The following MICAL1 variants were observed in gnomAD, a reference collection of about 807,000 sequenced individuals.
MICAL1 encodes the protein microtubule associated monooxygenase, calponin and LIM domain containing 1.
Under a neutral mutation model 131.8 loss-of-function variants are expected in MICAL1, and 95 were observed. The observed-to-expected ratio is 0.72, with a 90% CI of 0.61 to 0.86. MICAL1 has a LOEUF of 0.86. Among genes scored for constraint, MICAL1 ranks in the 40% least tolerant of loss-of-function variants. MICAL1 has a pLI of 0.00. For missense variants in MICAL1, 1,292 were observed against 1,380.6 expected, an observed-to-expected ratio of 0.94 and a Z score of 1.02; for synonymous variants, 546 against 554.2, an observed-to-expected ratio of 0.99 and a Z score of 0.21.
Position 109,448,849 on chromosome 6 carries a change from C to G in MICAL1, c.1547G>C (p.Arg516Pro). Residue 516 changes from arginine (R) to proline (P), a missense_variant, in exon 12 of 25, where the codon CGC becomes CCC. Coordinates refer to ENST00000358807, the MANE Select transcript of MICAL1 (RefSeq NM_022765.4). ...GSAGTQEELLRWCQEQTAGYP... is the reference protein window; with the variant it reads ...GSAGTQEELLPWCQEQTAGYP... Reference sequence around the variant, plus strand: ...CCCAGCTGTCTGCTCCTGGCACCAGCGTAGCAGCTCCTCCTGGGTGCCTGC... The same window carrying G: ...CCCAGCTGTCTGCTCCTGGCACCAGGGTAGCAGCTCCTCCTGGGTGCCTGC... The G allele has an allele frequency of 6.2e-7, 1 of 1,613,908 alleles. No homozygotes were observed. The highest frequency in any genetic ancestry group is 8.5e-7 in the Non-Finnish European group (1 of 1,179,984).
rs774018920 is a variant in MICAL1 at position 109,446,321 on chromosome 6, C to T, written c.2396G>A (p.Ser799Asn). 1.2e-6 allele frequency: 2 copies of T among 1,613,424 alleles called. No individual in the cohort carries two copies. Among genetic ancestry groups the T allele is most frequent in the African/African-American group, 2.7e-5 (2 of 75,014 alleles). Residue 799 changes from serine (S) to asparagine (N), a missense_variant, in exon 19 of 25, where the codon AGC becomes AAC. Transcript: ENST00000358807. The stretch of plus-strand genomic sequence containing the variant: ...GCGGATCTGCCGACGGGTGGGCTGG[C>T]TGGGATCTGGAACAGGACCGGCCCC... The part of the protein sequence containing the change: ...QEGAGPVPDP[S>N]QPTRRQIRLS...
chr6:109,451,550 G>A (rs758197265), intron 7 of MICAL1, 50 bp downstream of exon 7: 1 of 1,607,330 alleles, frequency 6.2e-7, no homozygotes, highest in East Asian at 2.2e-5. Flanking sequence ...CCTAGCCTCT[G>A]CCTCCCGGGG....
intron 1 of MICAL1, chr6:109,464,145 C>G (rs1775976610): frequency 6.6e-6 from 1 of 152,106 alleles, no homozygotes; most frequent in Non-Finnish European, 1.5e-5. Flanking sequence ...TAGGGCTTAA[C>G]AGTGTTTGTA....
chr6:109,450,477 A>T lies in MICAL1; in HGVS notation c.1014T>A (p.Ala338=), dbSNP rs1306642659. 2.5e-6 allele frequency: 4 copies of T among 1,612,770 alleles called. No individual in the cohort carries two copies. In the African/African-American group the frequency reaches 5.3e-5, roughly 22 times the overall value. Residue 338 remains alanine, a synonymous_variant, in exon 8 of 25, where the codon GCT becomes GCA. Coordinates refer to ENST00000358807, the MANE Select transcript of MICAL1 (RefSeq NM_022765.4). The stretch of plus-strand genomic sequence containing the variant: ...CGAGCTTGCCATGGGTGGCAAAGTC[A>T]GCAGCTGCCCGGGTAAAGCGCTGCA... ...EALQRFTRAA[A]DFATHGKLGK... is the part of the protein sequence containing the mutation.
chr6:109,462,736 C>T (rs545588024), intron 1 of MICAL1: 5 of 152,172 alleles, frequency 3.3e-5, no homozygotes, highest in African/African-American at 4.8e-5. Flanking sequence ...GTAAGAGCTC[C>T]AATCATCCCA....
chr6:109,462,303 T>G (rs974497919), intron 1 of MICAL1, among the ~76,000 whole-genome samples: 1 of 152,184 alleles, frequency 6.6e-6, no homozygotes, highest in Non-Finnish European at 1.5e-5. Flanking sequence ...ATTTTTTCAG[T>G]CACCCAGTCT....
chr6:109,446,681 G>C lies in MICAL1; in HGVS notation c.2304+15C>G. 6.2e-7 allele frequency: 1 copy of C among 1,611,534 alleles called. No homozygotes were observed. On this transcript the variant is annotated intron_variant, in intron 18 of 24. Coordinates refer to ENST00000358807, the MANE Select transcript of MICAL1 (RefSeq NM_022765.4). The stretch of plus-strand genomic sequence containing the variant: ...TTCCCATGCCCCAATATACATACAC[G>C]CCTTCAGTCTTTACCGGACTCTCAG...
upstream of MICAL1, among the ~76,000 whole-genome samples, chr6:109,459,750 G>A (rs1775841434): frequency 6.6e-6 from 1 of 152,160 alleles, no homozygotes; most frequent in African/African-American, 2.4e-5. Flanking sequence ...TAATAAGACT[G>A]CCTTTGCCCT....
At chr6:109,456,293 G>C (rs979243519), upstream of MICAL1, among the ~76,000 whole-genome samples, 3 of 152,214 alleles carry the variant, frequency 2.0e-5, no homozygotes, top group Non-Finnish European at 4.4e-5. Flanking sequence ...AAGCCGGCGG[G>C]TCCGAGGGTG....
chr6:109,459,202 C>T (rs999533519), upstream of MICAL1, among the ~76,000 whole-genome samples: 1 of 152,166 alleles, frequency 6.6e-6, no homozygotes. Flanking sequence ...AGCAGAGACA[C>T]GGTCATATTT....
chr6:109,447,094 A>T lies in MICAL1; in HGVS notation c.2206T>A (p.Tyr736Asn). ...TCEATLWPGGYEQHPGDGHFY... is the reference protein window; with the variant it reads ...TCEATLWPGGNEQHPGDGHFY... ...TCACCATCTCCTGGGTGCTGCTCGTAGCCACCTGGCCACAGTGTGGCCTCA... is the reference window on the plus strand; with the variant it reads ...TCACCATCTCCTGGGTGCTGCTCGTTGCCACCTGGCCACAGTGTGGCCTCA... Residue 736 changes from tyrosine (Y) to asparagine (N), a missense_variant, in exon 17 of 25, where the codon TAC (tyrosine) becomes AAC (asparagine). By Grantham distance (143) the Tyr-to-Asn change is moderately radical. Transcript: ENST00000358807. 6.2e-7 allele frequency: 1 copy of T among 1,614,084 alleles called. No individual in the cohort carries two copies. Among genetic ancestry groups the T allele is most frequent in the Non-Finnish European group, 8.5e-7 (1 of 1,179,998 alleles).
chr6:109,448,950 T>C lies in MICAL1; in HGVS notation c.1517-71A>G, dbSNP rs900278606. On this transcript the variant is annotated intron_variant, in intron 11 of 24. Coordinates refer to ENST00000358807, the MANE Select transcript of MICAL1 (RefSeq NM_022765.4). The stretch of plus-strand genomic sequence containing the variant: ...CCAGGCATATAGGGAGCCCAGCTGC[T>C]GCATGTGGGGGTTCTGTAGGGGAGG... 19 of 1,582,156 alleles carry C rather than the reference T, an allele frequency of 1.2e-5. No individual in the cohort carries two copies. In the African/African-American group the frequency reaches 2.6e-4, roughly 21 times the overall value.
chr6:109,459,460 G>T (rs1477097907), upstream of MICAL1, among the ~76,000 whole-genome samples: 1 of 152,208 alleles, frequency 6.6e-6, no homozygotes, highest in Non-Finnish European at 1.5e-5. Flanking sequence ...GCCATGAATT[G>T]GGTGTGGGGG....
At position 109,452,312 on chromosome 6, in the gene MICAL1, G is replaced by A. The variant is rs771902129; in HGVS notation, c.766C>T (p.Pro256Ser). Residue 256 changes from proline to serine, a missense_variant, in exon 6 of 25, where the codon CCG becomes TCG. Pro to Ser is a moderately conservative substitution (Grantham distance 74). Coordinates refer to ENST00000358807, the MANE Select transcript of MICAL1 (RefSeq NM_022765.4). ...NGRTVEETQV[P>S]EISGVARIYN... ...ATCCTGGCTACACCACTGATCTCCG[G>A]CACCTGTGTCTCCTCCACGGTGCGT... 6.8e-6 allele frequency: 11 copies of A among 1,614,164 alleles called. No homozygotes were observed. The Admixed American group carries it at 1.8e-4, about 27-fold the overall frequency.
rs758188313 is a variant in MICAL1 at position 109,453,641 on chromosome 6, T to C, written c.463A>G (p.Ile155Val). 2.5e-6 allele frequency: 4 copies of C among 1,598,460 alleles called. No homozygotes were observed. In the East Asian group the frequency reaches 9.1e-5, roughly 36 times the overall value. The change falls in exon 3 of 25, where the codon ATC (isoleucine) becomes GTC (valine). Residue 155 changes from isoleucine (I) to valine (V), a missense_variant. Coordinates refer to ENST00000358807, the MANE Select transcript of MICAL1 (RefSeq NM_022765.4). Reference sequence around the variant, plus strand: ...CAGGCCACCACGTGGTGCTCACTGATGTGGTCCAGGGTGCCGGTGCAGAAG... The same window carrying C: ...CAGGCCACCACGTGGTGCTCACTGACGTGGTCCAGGGTGCCGGTGCAGAAG... Reference protein sequence around the residue: ...GRFCTGTLDHISIRQLQLLLL... With the variant: ...GRFCTGTLDHVSIRQLQLLLL...
upstream of MICAL1, among the ~76,000 whole-genome samples, chr6:109,459,786 T>C (rs72937219): frequency 2.0e-5 from 3 of 152,184 alleles, no homozygotes; most frequent in Non-Finnish European, 4.4e-5. Context: ...ATAAGAAACA[T>C]TTATCCAGAA....
chr6:109,465,759 A>G, exon 1 of MICAL1: 1 of 1,613,122 alleles, frequency 6.2e-7, no homozygotes, highest in Non-Finnish European at 8.5e-7. Context: ...CTGCAAGTCA[A>G]TGGTGTGGAG....
intron 15 of MICAL1, 39 bp downstream of exon 15, chr6:109,447,642 T>C (rs1201740598): frequency 1.2e-6 from 2 of 1,612,364 alleles, no homozygotes; most frequent in Non-Finnish European, 8.5e-7. Context: ...GGGGATAAAA[T>C]GTGGGGTAGG....
At chr6:109,449,274 C>T (rs756642801) in intron 11 of MICAL1, 126 bp downstream of exon 11, 2 of 1,061,796 alleles carry the variant, frequency 1.9e-6, no homozygotes, top group Non-Finnish European at 1.5e-6. Context: ...AACCAACCCA[C>T]CAGCCAACAA....
Sources: gnomAD v4.1 joint callset for allele counts (sites outside exome capture counted in the v4.1 genomes callset) on GRCh38, gnomAD v4.1.1 for gene constraint, MANE v1.5 for transcripts, NCBI Gene and HGNC (gene_info 2026-07-23, HGNC 2026-07-21) for gene names.